Variants in MALRD1 observed in about 807,000 individuals in gnomAD.
MALRD1 encodes the protein MAM and LDL receptor class A domain containing 1, also known as MAM and LDL-receptor class A domain-containing protein 1.
A neutral mutation model predicts 242.1 loss-of-function variants in MALRD1; 247 were observed. That is an observed-to-expected ratio of 1.02 (90% CI 0.92 to 1.13). The LOEUF (loss-of-function observed/expected upper bound fraction) is 1.13, where lower values mean the gene tolerates loss of function less well. MALRD1 is among the 50% of genes most tolerant of loss of function. The pLI is 0.00. For missense variants in MALRD1, 2,989 were observed against 2,533.1 expected, an observed-to-expected ratio of 1.18 and a Z score of -3.86; for synonymous variants, 995 against 866.6, an observed-to-expected ratio of 1.15 and a Z score of -2.60.
At chr10:19,155,314 A>C in intron 12 of MALRD1, 142 bp downstream of exon 12, 1 of 407,928 alleles carries the variant, frequency 2.5e-6, no homozygotes, top group Non-Finnish European at 4.2e-6. Context: ...ATTTCAACAC[A>C]AAATGCTACG....
intron 28 of MALRD1, among the ~76,000 whole-genome samples, chr10:19,432,153 G>T (rs1397266781): frequency 2.6e-5 from 4 of 152,174 alleles, no homozygotes; most frequent in Non-Finnish European, 4.4e-5. Context: ...CCTGGCATGA[G>T]TCATTCTGAA....
At chr10:19,162,007 A>C (rs1834445329) in intron 12 of MALRD1, among the ~76,000 whole-genome samples, 1 of 151,788 alleles carries the variant, frequency 6.6e-6, no homozygotes, top group African/African-American at 2.4e-5. Flanking sequence ...CAGCCTGGGC[A>C]ACAGAGTGAA....
chr10:19,666,269 T>A (rs1356691143), intron 36 of MALRD1, among the ~76,000 whole-genome samples: 1 of 152,222 alleles, frequency 6.6e-6, no homozygotes, highest in Non-Finnish European at 1.5e-5. Flanking sequence ...CTTGGTCCTT[T>A]CAATTCTCTG....
At chr10:19,405,637 T>G (rs1847062865) in intron 28 of MALRD1, among the ~76,000 whole-genome samples, 2 of 152,166 alleles carry the variant, frequency 1.3e-5, no homozygotes, top group African/African-American at 4.8e-5. Context: ...CTAATTAGAA[T>G]CTTAGAACCC....
intron 32 of MALRD1, among the ~76,000 whole-genome samples, chr10:19,562,637 G>A (rs1282459598): frequency 6.6e-6 from 1 of 152,074 alleles, no homozygotes; most frequent in Non-Finnish European, 1.5e-5. Flanking sequence ...TTTGTCCTAT[G>A]ACCTCAATTC....
At chr10:19,058,924 T>G (rs1430908248) in intron 1 of MALRD1, among the ~76,000 whole-genome samples, 3 of 152,158 alleles carry the variant, frequency 2.0e-5, no homozygotes, top group Non-Finnish European at 4.4e-5. Context: ...AACTCTACCT[T>G]TCTTTGTTTA....
chr10:19,099,121 T>A (rs1004700310), intron 4 of MALRD1, among the ~76,000 whole-genome samples: 1 of 152,182 alleles, frequency 6.6e-6, no homozygotes, highest in Non-Finnish European at 1.5e-5. Context: ...CTATATTGGT[T>A]ATGCCTGGCC....
intron 28 of MALRD1, among the ~76,000 whole-genome samples, chr10:19,416,216 A>C (rs1461093932): frequency 6.6e-6 from 1 of 152,206 alleles, no homozygotes; most frequent in Non-Finnish European, 1.5e-5. Flanking sequence ...AATTAAACTA[A>C]ATGAGAGTTA....
At chr10:19,267,913 G>A (rs1270812608) in intron 19 of MALRD1, among the ~76,000 whole-genome samples, 1 of 151,982 alleles carries the variant, frequency 6.6e-6, no homozygotes, top group African/African-American at 2.4e-5. Context: ...CATATATATA[G>A]GGAAGAAAAA....
chr10:19,585,869 G>T (rs1299633891), intron 33 of MALRD1, among the ~76,000 whole-genome samples: 1 of 152,174 alleles, frequency 6.6e-6, no homozygotes, highest in East Asian at 1.9e-4. Flanking sequence ...ACACCAATCA[G>T]ACGTAGATTT....
At chr10:19,701,408 T>C (rs956887607) in intron 38 of MALRD1, among the ~76,000 whole-genome samples, 2 of 152,156 alleles carry the variant, frequency 1.3e-5, no homozygotes, top group African/African-American at 4.8e-5. Context: ...TATTCTCTTC[T>C]GAAAGGTATC....
At chr10:19,320,023 C>G (rs1044535388) in intron 21 of MALRD1, among the ~76,000 whole-genome samples, 2 of 140,120 alleles carry the variant, frequency 1.4e-5, no homozygotes, top group Admixed American at 1.5e-4. Context: ...AACTGCTAAC[C>G]TGAGTTTTAT....
intron 21 of MALRD1, among the ~76,000 whole-genome samples, chr10:19,289,270 C>T (rs770792176): frequency 2.1e-4 from 32 of 152,040 alleles, no homozygotes; most frequent in Non-Finnish European, 4.6e-4. Flanking sequence ...ATTTGTATTT[C>T]CGTATTTCCT....
intron 29 of MALRD1, among the ~76,000 whole-genome samples, chr10:19,481,302 C>CT (rs971555995): frequency 3.1e-4 from 47 of 152,256 alleles, no homozygotes; most frequent in Admixed American, 1.6e-3. Context: ...AGACGTGTTG[C>CT]TATTAATTGC....
At chr10:19,653,167 A>G (rs1273452011) in intron 36 of MALRD1, among the ~76,000 whole-genome samples, 1 of 151,564 alleles carries the variant, frequency 6.6e-6, no homozygotes, top group African/African-American at 2.4e-5. Flanking sequence ...ATCAGTTTCC[A>G]TCTCTTGCTG....
intron 18 of MALRD1, among the ~76,000 whole-genome samples, chr10:19,213,313 GT>G (rs1711727762): frequency 5.3e-5 from 8 of 152,206 alleles, no homozygotes; most frequent in Admixed American, 5.2e-4. Context: ...ATTTTGAGAG[GT>G]GTCTATCTTT....
In MALRD1 at chr10:19,491,486, A is replaced by G. The variant is rs1207374693; in HGVS notation, c.5030-31A>G. 4 of 1,544,846 alleles carry G rather than the reference A, an allele frequency of 2.6e-6. No individual in the cohort carries two copies. The East Asian group carries it at 9.8e-5, about 38-fold the overall frequency. ...CAAGTCTAATGAAAATATTGATGGA[A>G]TACTGCTTTTGTTTTTTTGTTTTTC... On this transcript the variant is annotated intron_variant, in intron 29 of 39. Transcript: ENST00000454679.
chr10:19,352,228 G>T lies in MALRD1; in HGVS notation c.4372G>T (p.Val1458Leu). The T allele has an allele frequency of 6.4e-7, 1 of 1,550,396 alleles. No homozygotes were observed. The highest frequency in any genetic ancestry group is 8.7e-7 in the Non-Finnish European group (1 of 1,146,880). ...TGGAGACATTGCACTTGATGACATT[G>T]TGCTTACAGAAAATTGTCTATCACT... ...QRGDIALDDI[V>L]LTENCLSLHD... Residue 1458 changes from valine to leucine, a missense_variant, in exon 26 of 40, where the codon GTG (valine) becomes TTG (leucine). Transcript: ENST00000454679.
chr10:19,328,682 G>T (rs372563531), intron 23 of MALRD1, among the ~76,000 whole-genome samples: 1 of 152,116 alleles, frequency 6.6e-6, no homozygotes. Context: ...TTCTTGGAAT[G>T]ATAGGTGTAG....
Sources: allele counts gnomAD v4.1 joint callset (sites outside exome capture counted in the v4.1 genomes callset), GRCh38; gene constraint gnomAD v4.1.1; transcripts MANE v1.5; gene names NCBI Gene and HGNC (gene_info 2026-07-23, HGNC 2026-07-21).